DOC2A: variants seen among roughly 807,000 people sequenced by gnomAD.
DOC2A encodes double C2-like domain-containing protein alpha.
Under a neutral mutation model 40.6 loss-of-function variants are expected in DOC2A, and 28 were observed. That is an observed-to-expected ratio of 0.69 (90% confidence interval 0.51 to 0.95). The LOEUF is 0.95. Ranked by LOEUF, DOC2A falls within the 40% of genes least tolerant of loss-of-function variation. DOC2A has a pLI of 0.00. For synonymous variants in DOC2A, 241 were observed against 236.9 expected (o/e 1.02, Z -0.16); for missense variants, 474 against 552.5 (o/e 0.86, Z 1.42).
upstream of DOC2A, among the ~76,000 whole-genome samples, chr16:30,013,033 T>C (rs1156763508): frequency 6.6e-6 from 1 of 151,516 alleles, no homozygotes. Flanking sequence ...CCCTGAGATA[T>C]CACTTATTAC....
upstream of DOC2A, chr16:30,011,352 G>C: frequency 1.0e-6 from 1 of 985,090 alleles, no homozygotes; most frequent in Non-Finnish European, 1.2e-6. Context: ...GCACACACAC[G>C]CACTCGCAAA....
chr16:30,019,903 CTTTT>C (rs1188533570), intron 1 of DOC2A, among the ~76,000 whole-genome samples: 4 of 144,754 alleles, frequency 2.8e-5, no homozygotes, highest in South Asian at 2.2e-4. Context: ...CCTAGTTAAT[CTTTT>C]TTTTTTTCTT....
upstream of DOC2A, chr16:30,011,440 C>CCCCCCG (rs1287806999): frequency 1.0e-6 from 1 of 984,034 alleles, no homozygotes; most frequent in Non-Finnish European, 1.2e-6. Context: ...GGAGACCTGG[C>CCCCCCG]CCCCCGCCCC....
At chr16:30,022,528 G>A (rs922395630), upstream of DOC2A, among the ~76,000 whole-genome samples, 22 of 152,194 alleles carry the variant, frequency 1.4e-4, no homozygotes, top group Middle Eastern at 3.4e-3. Context: ...AAAATTAGCC[G>A]GGCATGGTGG....
At chr16:30,018,950 A>C (rs940680453) in intron 1 of DOC2A, 1 of 152,270 alleles carries the variant, frequency 6.6e-6, no homozygotes, top group Non-Finnish European at 1.5e-5. Flanking sequence ...TTGATTTGGC[A>C]GATTATGAGC....
At chr16:30,019,497 G>A (rs62057685) in intron 1 of DOC2A, among the ~76,000 whole-genome samples, 1,992 of 152,342 alleles carry the variant, frequency 0.013, 15 homozygotes, top group Non-Finnish European at 0.019. Flanking sequence ...AGTCCAGCCA[G>A]TGCGTAGCAG....
At chr16:30,015,827 T>C (rs1252844045), upstream of DOC2A, among the ~76,000 whole-genome samples, 1 of 149,002 alleles carries the variant, frequency 6.7e-6, no homozygotes, top group Non-Finnish European at 1.5e-5. Flanking sequence ...TAGCCTCCCA[T>C]GTAGCTGGGA....
Position 30,009,146 on chromosome 16 carries a change from A to C in DOC2A, c.418-41T>G. On this transcript the variant is annotated intron_variant, in intron 4 of 10. Transcript: ENST00000350119. The surrounding 1 kb of genome is among the most constrained non-coding windows in gnomAD (Gnocchi z 4.1). ...GAAAGGTTCTCAATACCTGTCCTCC[A>C]GCCCCACAGGCTGGAGTCATGGGCT... is the stretch of plus-strand genomic sequence containing the variant. 1 of 1,600,384 alleles carries C rather than the reference A, an allele frequency of 6.2e-7. No individual in the cohort carries two copies. Among genetic ancestry groups the C allele is most frequent in the Non-Finnish European group, 8.6e-7 (1 of 1,168,500 alleles).
chr16:30,008,977 T>G lies in DOC2A; in HGVS notation c.527+19A>C, dbSNP rs779428518. ...CTGTCCCCGAGCTGCTGCTGGGTGG[T>G]GGGGAGGGGGGCCCTCACCTGAGCA... On this transcript the variant is annotated intron_variant, in intron 5 of 10. Transcript: ENST00000350119. 1 of 1,559,108 alleles carries G rather than the reference T, an allele frequency of 6.4e-7. No individual in the cohort carries two copies. The highest frequency in any genetic ancestry group is 1.1e-5 in the South Asian group (1 of 89,892).
chr16:30,023,158 A>C (rs552629537), upstream of DOC2A: 429 of 512,954 alleles, frequency 8.4e-4, 1 homozygote, highest in Non-Finnish European at 1.4e-3. Flanking sequence ...TTATGGTTTT[A>C]TCATCAGCGA....
intron 6 of DOC2A, 37 bp from the exon 7 acceptor site, chr16:30,007,127 T>TC: frequency 6.2e-7 from 1 of 1,613,330 alleles, no homozygotes; most frequent in African/African-American, 1.3e-5. Context: ...AAGCCTGGCC[T>TC]CCCCAGGGCC....
At chr16:30,016,041 ATATATATATATATATTTTTTTT>A (rs1437915290), upstream of DOC2A, among the ~76,000 whole-genome samples, 4,826 of 39,126 alleles carry the variant, frequency 0.12, 94 homozygotes, top group South Asian at 0.23. Flanking sequence ...ATATATATAT[ATATATATATATATATTTTTTTT>A]TTTTTTTTTT....
chr16:30,007,203 A>G lies in DOC2A; in HGVS notation c.624T>C (p.His208=). Reference sequence around the variant, plus strand: ...CCTGGCGCTCGAGGCAGATGTTAAAATGCTTCTTCTGCGAAGGCTTGAGGC... The same window carrying G: ...CCTGGCGCTCGAGGCAGATGTTAAAGTGCTTCTTCTGCGAAGGCTTGAGGC... ...LRRLKPSQKK[H]FNICLERQVP... Residue 208 remains histidine, a synonymous_variant, in exon 6 of 11, where the codon CAT becomes CAC. Transcript: ENST00000350119. 2 of 1,614,020 alleles carry G rather than the reference A, an allele frequency of 1.2e-6. No individual in the cohort carries two copies. The highest frequency in any genetic ancestry group is 1.3e-5 in the African/African-American group (1 of 75,058).
intron 1 of DOC2A, chr16:30,018,619 G>A (rs916631849): frequency 2.0e-5 from 3 of 152,212 alleles, no homozygotes; most frequent in Non-Finnish European, 4.4e-5. Context: ...AGCAGAGCAG[G>A]TCTGGAGTAG....
At position 30,010,143 on chromosome 16, in the gene DOC2A, C is replaced by G; in HGVS notation, c.80G>C (p.Arg27Pro). The G allele has an allele frequency of 6.2e-7, 1 of 1,613,894 alleles. No homozygotes were observed. The highest frequency in any genetic ancestry group is 1.1e-5 in the South Asian group (1 of 91,080). ...MAINVCPGPI[R>P]PIRQISDYFP... The stretch of plus-strand genomic sequence containing the variant: ...GTAGTCAGAGATCTGGCGGATGGGC[C>G]GGATGGGCCCGGGGCACACGTTGAT... Residue 27 changes from arginine (R) to proline (P), a missense_variant, in exon 2 of 11, where the codon CGG (arginine) becomes CCG (proline). By Grantham distance (103) the Arg-to-Pro change is moderately radical (BLOSUM62 -2). Coordinates refer to ENST00000350119, the MANE Select transcript of DOC2A (RefSeq NM_003586.3). The surrounding 1 kb of genome is among the most constrained non-coding windows in gnomAD (Gnocchi z 4.2).
upstream of DOC2A, among the ~76,000 whole-genome samples, chr16:30,015,482 A>ATTTTTTTG (rs1426144759): frequency 6.6e-6 from 1 of 151,830 alleles, no homozygotes. Context: ...TGCTCGGCTA[A>ATTTTTTTG]TTTTTTTGTA....
Position 30,010,092 on chromosome 16 carries a change from C to A in DOC2A, c.131G>T (p.Gly44Val), listed in dbSNP as rs200955492. 6 of 1,612,690 alleles carry A rather than the reference C, an allele frequency of 3.7e-6. No individual in the cohort carries two copies. In the African/African-American group the frequency reaches 5.3e-5, roughly 14 times the overall value. ...GGCCTCCCCGCCGCCCCCGCCGCCC[C>A]CTTCAGGTCCTGGTCCCCGGGGGAA... ...DYFPRGPGPE[G>V]GGGGGGEAPA... The change falls in exon 2 of 11, where the codon GGG (glycine) becomes GTG (valine). Residue 44 changes from glycine to valine, a missense_variant. Transcript: ENST00000350119. This position sits in a 1 kb window ranked among gnomAD's most constrained non-coding sequence, Gnocchi z 4.2.
rs1262745200 is a variant in DOC2A, at chr16:30,010,026, G to C, written c.197C>G (p.Ala66Gly). 6.2e-7 allele frequency: 1 copy of C among 1,612,154 alleles called. No homozygotes were observed. The highest frequency in any genetic ancestry group is 1.1e-5 in the South Asian group (1 of 91,048). Residue 66 changes from alanine (A) to glycine (G), a missense_variant, in exon 2 of 11, where the codon GCC becomes GGC. Physicochemically the swap from Ala to Gly is moderately conservative, Grantham distance 60 (BLOSUM62 0). Transcript: ENST00000350119. This position sits in a 1 kb window ranked among gnomAD's most constrained non-coding sequence, Gnocchi z 4.2. ...CTCAGGCGTGGTGGCCCCAAGGAGG[G>C]CTGCAGGGGGGGCCAGAGCCAGGGG... ...LVPLALAPPA[A>G]LLGATTPEDG...
Position 30,010,306 on chromosome 16 carries a change from T to G in DOC2A, c.-13-71A>C, listed in dbSNP as rs762625893. On this transcript the variant is annotated intron_variant, in intron 1 of 10. Coordinates refer to ENST00000350119, the MANE Select transcript of DOC2A (RefSeq NM_003586.3). The surrounding 1 kb of genome is among the most constrained non-coding windows in gnomAD (Gnocchi z 4.2). ...CCTGGCTGAGGGCCAGGCGACGGCC[T>G]CCTCGGTCTGTGGGGCCCTCACTGG... 6.3e-7 allele frequency: 1 copy of G among 1,591,338 alleles called. No homozygotes were observed. The highest frequency in any genetic ancestry group is 1.1e-5 in the South Asian group (1 of 90,770).
Sources: allele counts gnomAD v4.1 joint callset (sites outside exome capture counted in the v4.1 genomes callset), GRCh38; gene constraint gnomAD v4.1.1; non-coding constraint Gnocchi (gnomAD v3.1); transcripts MANE v1.5; gene names NCBI Gene and HGNC (gene_info 2026-07-23, HGNC 2026-07-21).